Variants in GSK3B observed in about 807,000 individuals in gnomAD.
GSK3B encodes the protein glycogen synthase kinase-3 beta.
In GSK3B, 15 loss-of-function variants were observed where a neutral mutation model predicts 56.4. The observed-to-expected ratio is 0.27, with a 90% CI of 0.18 to 0.41. The LOEUF (loss-of-function observed/expected upper bound fraction) is 0.41, where lower values mean the gene tolerates loss of function less well. Among genes scored for constraint, GSK3B ranks in the 10% least tolerant of loss-of-function variants. The pLI is 1.00. For missense variants in GSK3B, 300 were observed against 513.4 expected, an observed-to-expected ratio of 0.58 and a Z score of 4.02; for synonymous variants, 181 against 188.9, an observed-to-expected ratio of 0.96 and a Z score of 0.34.
intron 1 of GSK3B, among the ~76,000 whole-genome samples, chr3:120,028,084 C>G (rs1048719225): frequency 1.3e-5 from 2 of 152,094 alleles, no homozygotes; most frequent in African/African-American, 4.8e-5. Context: ...CATTCATAGT[C>G]AATGTTTATT....
At chr3:119,848,027 C>G (rs144163982) in intron 9 of GSK3B, among the ~76,000 whole-genome samples, 236 of 152,256 alleles carry the variant, frequency 1.6e-3, no homozygotes, top group Middle Eastern at 3.4e-3. Flanking sequence ...TGTCTTTATC[C>G]AATTCTTTAC....
intron 8 of GSK3B, among the ~76,000 whole-genome samples, chr3:119,869,363 G>A (rs2056225455): frequency 6.6e-6 from 1 of 151,724 alleles, no homozygotes. Flanking sequence ...AGAGGCTACT[G>A]AAAACAACTT....
At chr3:120,072,403 T>TAG (rs2058334228) in intron 1 of GSK3B, among the ~76,000 whole-genome samples, 1 of 151,884 alleles carries the variant, frequency 6.6e-6, no homozygotes, top group African/African-American at 2.4e-5. Flanking sequence ...TTCGCCATGG[T>TAG]AGAGAACAAC....
intron 1 of GSK3B, among the ~76,000 whole-genome samples, chr3:120,049,737 C>T (rs910626634): frequency 6.6e-6 from 1 of 152,130 alleles, no homozygotes; most frequent in African/African-American, 2.4e-5. Flanking sequence ...ATAGACAAGG[C>T]TGGAGACAGA....
At chr3:120,073,402 A>T (rs1216638150) in intron 1 of GSK3B, among the ~76,000 whole-genome samples, 1 of 152,042 alleles carries the variant, frequency 6.6e-6, no homozygotes, top group East Asian at 1.9e-4. Context: ...AGAAAAGAAA[A>T]GGATAGGAGC....
intron 10 of GSK3B, among the ~76,000 whole-genome samples, chr3:119,830,365 A>G (rs1403423643): frequency 2.0e-5 from 3 of 152,248 alleles, no homozygotes; most frequent in Non-Finnish European, 4.4e-5. Flanking sequence ...TTTATTTTAC[A>G]CAATGGAATC....
chr3:119,961,684 C>T (rs1227478676), intron 2 of GSK3B, among the ~76,000 whole-genome samples: 4 of 149,532 alleles, frequency 2.7e-5, no homozygotes, highest in African/African-American at 9.8e-5. Flanking sequence ...ACCCCCCTTT[C>T]ATTACAAAAA....
intron 8 of GSK3B, among the ~76,000 whole-genome samples, chr3:119,866,158 T>C (rs1293106199): frequency 6.6e-6 from 1 of 152,076 alleles, no homozygotes; most frequent in Non-Finnish European, 1.5e-5. Flanking sequence ...TAGGGCAAAC[T>C]AGAAACTAGC....
At chr3:119,915,065 G>A (rs2056767488) in intron 5 of GSK3B, among the ~76,000 whole-genome samples, 1 of 152,074 alleles carries the variant, frequency 6.6e-6, no homozygotes, top group African/African-American at 2.4e-5. Flanking sequence ...ACATGGGAAT[G>A]TAGGCTTGAC....
intron 8 of GSK3B, among the ~76,000 whole-genome samples, chr3:119,868,608 T>C (rs997515166): frequency 9.2e-5 from 14 of 152,224 alleles, no homozygotes; most frequent in Non-Finnish European, 1.5e-4. Flanking sequence ...TATTGTATTA[T>C]GTAGCCAATC....
chr3:120,006,192 ATCAAT>A, intron 1 of GSK3B, among the ~76,000 whole-genome samples: 1 of 152,362 alleles, frequency 6.6e-6, no homozygotes, highest in East Asian at 1.9e-4. Flanking sequence ...TGGTAAAGTG[ATCAAT>A]TCAACAAGAA....
chr3:120,014,132 C>CAAA lies in GSK3B; in HGVS notation c.89-11896_89-11894dup, dbSNP rs886541816. Among the ~76,000 whole-genome samples the CAAA allele has an allele frequency of 9.8e-4, 76 of 77,472 alleles. 1 individual carries two copies. The highest frequency in any genetic ancestry group is 3.2e-3 in the African/African-American group (73 of 22,740). 50.8% of individuals were successfully genotyped at this position (77,472 alleles called of 152,430 possible). ...CCTGGGAGACAGAGTGAGACTCTGT[C>CAAA]AAAAAAAAAAAAAAAAAGCAAAAAC... is the stretch of plus-strand genomic sequence containing the variant. On this transcript the variant is annotated intron_variant, in intron 1 of 10. Coordinates refer to ENST00000264235, the MANE Select transcript of GSK3B (RefSeq NM_001146156.2).
intron 1 of GSK3B, among the ~76,000 whole-genome samples, chr3:120,043,882 T>C (rs1463740257): frequency 6.6e-6 from 1 of 152,218 alleles, no homozygotes; most frequent in Non-Finnish European, 1.5e-5. Context: ...CCTTCTACCC[T>C]GCCCTACAAC....
intron 1 of GSK3B, among the ~76,000 whole-genome samples, chr3:120,003,537 T>C (rs1037249579): frequency 6.6e-6 from 1 of 152,184 alleles, no homozygotes; most frequent in African/African-American, 2.4e-5. Flanking sequence ...TACAATTTCC[T>C]TTCTAAAATA....
chr3:119,999,220 G>A (rs2057652220), intron 2 of GSK3B, among the ~76,000 whole-genome samples: 1 of 152,124 alleles, frequency 6.6e-6, no homozygotes, highest in Non-Finnish European at 1.5e-5. Flanking sequence ...ATAGAAAGAG[G>A]TTATGACACT....
At chr3:120,077,763 A>C (rs1308522772) in intron 1 of GSK3B, among the ~76,000 whole-genome samples, 1 of 152,090 alleles carries the variant, frequency 6.6e-6, no homozygotes, top group Non-Finnish European at 1.5e-5. Context: ...GTATATCTTA[A>C]ATATACATAG....
intron 3 of GSK3B, among the ~76,000 whole-genome samples, chr3:119,929,858 G>A (rs985228647): frequency 1.3e-5 from 2 of 149,932 alleles, no homozygotes; most frequent in East Asian, 2.0e-4. Context: ...CTGAGATCAC[G>A]CCATTGCACC....
chr3:120,017,287 A>G (rs943334205), intron 1 of GSK3B, among the ~76,000 whole-genome samples: 1 of 152,222 alleles, frequency 6.6e-6, no homozygotes, highest in Non-Finnish European at 1.5e-5. Flanking sequence ...TTCTAGAAAC[A>G]TCAACCTTGA....
intron 1 of GSK3B, among the ~76,000 whole-genome samples, chr3:120,005,026 T>C (rs961185113): frequency 6.6e-6 from 1 of 151,996 alleles, no homozygotes; most frequent in African/African-American, 2.4e-5. Flanking sequence ...CTAAAAACCT[T>C]GACAAAAGGT....
Sources: gnomAD v4.1 joint callset for allele counts (sites outside exome capture counted in the v4.1 genomes callset) on GRCh38, gnomAD v4.1.1 for gene constraint, MANE v1.5 for transcripts, NCBI Gene and HGNC (gene_info 2026-07-23, HGNC 2026-07-21) for gene names.